The following SFXN5 variants were observed in gnomAD, a reference collection of about 807,000 sequenced individuals.
The protein encoded by SFXN5 is sideroflexin 5.
In SFXN5, 43 loss-of-function variants were observed where a neutral mutation model predicts 50.2. That is an observed-to-expected ratio of 0.86 (90% CI 0.67 to 1.11). The LOEUF is 1.11. SFXN5 is among the 50% of genes least tolerant of loss of function. The pLI, the probability that SFXN5 is intolerant of heterozygous loss-of-function variation, is 0.00. For missense variants in SFXN5, 463 were observed against 454.1 expected, an observed-to-expected ratio of 1.02 and a Z score of -0.18; for synonymous variants, 203 against 185.8, an observed-to-expected ratio of 1.09 and a Z score of -0.75.
chr2:73,048,479 G>C (rs1680801659), intron 2 of SFXN5, among the ~76,000 whole-genome samples: 1 of 152,206 alleles, frequency 6.6e-6, no homozygotes, highest in Non-Finnish European at 1.5e-5. Context: ...GCCTTCCAAA[G>C]TATTGGGATT....
intron 10 of SFXN5, among the ~76,000 whole-genome samples, chr2:72,987,594 A>T (rs551136802): frequency 9.2e-5 from 14 of 151,940 alleles, no homozygotes; most frequent in African/African-American, 3.1e-4. Context: ...CATCTCTACT[A>T]AAAATGCAAA....
chr2:73,032,188 G>A (rs975799109), intron 3 of SFXN5, among the ~76,000 whole-genome samples: 3 of 152,118 alleles, frequency 2.0e-5, no homozygotes, highest in East Asian at 1.9e-4. Context: ...AGAGTTCGAC[G>A]GGACATCCTA....
At chr2:73,036,127 C>A (rs183509409) in intron 3 of SFXN5, among the ~76,000 whole-genome samples, 1 of 152,338 alleles carries the variant, frequency 6.6e-6, no homozygotes, top group African/African-American at 2.4e-5. Flanking sequence ...AGACTGAGAA[C>A]AAGAACCACC....
At chr2:72,991,387 G>C (rs1672585227) in intron 9 of SFXN5, among the ~76,000 whole-genome samples, 2 of 152,290 alleles carry the variant, frequency 1.3e-5, no homozygotes, top group Admixed American at 1.3e-4. Context: ...CAACGTGCCT[G>C]CGCCCAAGAA....
intron 6 of SFXN5, among the ~76,000 whole-genome samples, chr2:73,005,101 G>A (rs762583690): frequency 1.3e-5 from 2 of 152,306 alleles, no homozygotes; most frequent in Non-Finnish European, 2.9e-5. Flanking sequence ...CAGACGGGTG[G>A]AGAGCGCCCA....
chr2:72,980,666 T>G (rs2105514897), intron 10 of SFXN5, among the ~76,000 whole-genome samples: 1 of 152,330 alleles, frequency 6.6e-6, no homozygotes, highest in South Asian at 2.1e-4. Context: ...CTTAATGTGA[T>G]TCCTGCTAAC....
At chr2:72,983,478 G>A (rs1053128239) in intron 10 of SFXN5, among the ~76,000 whole-genome samples, 1 of 152,218 alleles carries the variant, frequency 6.6e-6, no homozygotes, top group African/African-American at 2.4e-5. Context: ...GGAGCAGCTG[G>A]CTGATGCCAA....
chr2:73,002,916 T>C (rs1674102841), intron 6 of SFXN5, among the ~76,000 whole-genome samples: 1 of 152,212 alleles, frequency 6.6e-6, no homozygotes, highest in South Asian at 2.1e-4. Flanking sequence ...ATGATCCCCT[T>C]TGGGGCACTA....
intron 13 of SFXN5, among the ~76,000 whole-genome samples, chr2:72,949,302 G>C (rs1419521460): frequency 6.6e-6 from 1 of 151,970 alleles, no homozygotes; most frequent in Admixed American, 6.6e-5. Context: ...CTTTGAGCAG[G>C]AGTGGACCAT....
intron 6 of SFXN5, among the ~76,000 whole-genome samples, chr2:73,009,689 G>C (rs1479426600): frequency 6.6e-6 from 1 of 152,240 alleles, no homozygotes; most frequent in African/African-American, 2.4e-5. Flanking sequence ...ACAGAAGGAT[G>C]CTTGCTCCAG....
chr2:72,989,923 A>G (rs1672379098), intron 9 of SFXN5, among the ~76,000 whole-genome samples: 1 of 152,172 alleles, frequency 6.6e-6, no homozygotes, highest in Admixed American at 6.5e-5. Context: ...GCCTGCTCTG[A>G]GGTCTGGCAC....
chr2:73,017,531 C>T (rs1403219204), intron 6 of SFXN5, among the ~76,000 whole-genome samples: 1 of 152,106 alleles, frequency 6.6e-6, no homozygotes, highest in Non-Finnish European at 1.5e-5. Context: ...ACAAAAAGAA[C>T]TTCAAAGAAA....
At chr2:73,065,864 A>G (rs79675384) in intron 1 of SFXN5, among the ~76,000 whole-genome samples, 2,333 of 152,326 alleles carry the variant, frequency 0.015, 21 homozygotes, top group Non-Finnish European at 0.024. Context: ...CCTGGACAAC[A>G]ATTTATTTAC....
rs896557399 is a variant in SFXN5, at chr2:72,953,201, C to T, written c.945+7930G>A. The stretch of plus-strand genomic sequence containing the variant: ...GGGCTCTGAGCGGCTTTGCCATTCC[C>T]ATCCATCCCTCCTGGGGGGTCCTGT... On this transcript the variant is annotated intron_variant, in intron 13 of 13. Transcript: ENST00000272433. This position sits in a 1 kb window ranked among gnomAD's most constrained non-coding sequence, Gnocchi z 4.1. 8.5e-5 allele frequency among the ~76,000 whole-genome samples: 13 copies of T among 152,170 alleles called. No homozygotes were observed. The highest frequency in any genetic ancestry group is 2.9e-4 in the African/African-American group (12 of 41,428).
intron 1 of SFXN5, among the ~76,000 whole-genome samples, chr2:73,063,127 T>C (rs1268078150): frequency 6.6e-6 from 1 of 152,114 alleles, no homozygotes; most frequent in Non-Finnish European, 1.5e-5. Context: ...ACTGATTAAG[T>C]GGAAAGAAGA....
intron 10 of SFXN5, among the ~76,000 whole-genome samples, chr2:72,975,662 G>A (rs536835474): frequency 1.7e-3 from 252 of 152,362 alleles, no homozygotes; most frequent in African/African-American, 5.5e-3. Flanking sequence ...ATGCAGCCAT[G>A]TGTACAGGTA....
rs1353764780 is a variant in SFXN5, at chr2:73,000,496, C to A, written c.412-9G>T. 1 of 1,557,098 alleles carries A rather than the reference C, an allele frequency of 6.4e-7. No homozygotes were observed. Among genetic ancestry groups the A allele is most frequent in the Admixed American group, 1.9e-5 (1 of 51,554 alleles). ...TGGCTCTGGTTCAGCCACTGAAAGG[C>A]AATGATGAGAGAAGTCAGGGAAGGA... On this transcript the variant is annotated splice_polypyrimidine_tract_variant and intron_variant, in intron 7 of 13. Transcript: ENST00000272433.
chr2:73,015,305 C>T (rs890007769), intron 6 of SFXN5, among the ~76,000 whole-genome samples: 2 of 152,088 alleles, frequency 1.3e-5, no homozygotes, highest in Non-Finnish European at 1.5e-5. Context: ...AAAAGCATTT[C>T]GTTATGATGT....
chr2:73,060,009 A>G lies in SFXN5; in HGVS notation c.103-1413T>C, dbSNP rs754890275. 20 of 406,440 alleles carry G rather than the reference A, an allele frequency of 4.9e-5. No homozygotes were observed. In the Admixed American group the frequency reaches 9.0e-4, roughly 18 times the overall value. 25.2% of individuals were successfully genotyped at this position (406,440 alleles called of 1,614,324 possible). Reference sequence around the variant, plus strand: ...TTTTCAAACATTTATGACATGGAATAATGCTTAAAATTTTATGAAATGCAT... The same window carrying G: ...TTTTCAAACATTTATGACATGGAATGATGCTTAAAATTTTATGAAATGCAT... On this transcript the variant is annotated intron_variant, in intron 1 of 13. Coordinates refer to ENST00000272433, the MANE Select transcript of SFXN5 (RefSeq NM_144579.3).
Sources: allele counts gnomAD v4.1 joint callset (sites outside exome capture counted in the v4.1 genomes callset), GRCh38; gene constraint gnomAD v4.1.1; non-coding constraint Gnocchi (gnomAD v3.1); transcripts MANE v1.5; gene names NCBI Gene and HGNC (gene_info 2026-07-23, HGNC 2026-07-21).